FGF14: variants seen among roughly 807,000 people sequenced by gnomAD.
FGF14 encodes fibroblast growth factor homologous factor 4.
FGF14 carries 5 observed loss-of-function variants against 25.5 expected under a neutral mutation model. The observed-to-expected ratio is 0.20, with a 90% CI of 0.10 to 0.41. The LOEUF (loss-of-function observed/expected upper bound fraction) is 0.41. FGF14 is among the 10% of genes least tolerant of loss of function. The pLI, the probability that FGF14 is intolerant of heterozygous loss-of-function variation, is 1.00. For synonymous variants in FGF14, 138 were observed against 118.3 expected, an observed-to-expected ratio of 1.17 and a Z score of -1.08; for missense variants, 222 against 320.1, an observed-to-expected ratio of 0.69 and a Z score of 2.34.
At chr13:102,367,699 C>G (rs2057755051) in intron 1 of FGF14, 1 of 152,174 alleles carries the variant, frequency 6.6e-6, no homozygotes, top group Non-Finnish European at 1.5e-5. Flanking sequence ...GATCTAGTTT[C>G]AAGAACTAAG....
At chr13:102,194,166 C>CT (rs1306589166) in intron 1 of FGF14, among the ~76,000 whole-genome samples, 15 of 152,044 alleles carry the variant, frequency 9.9e-5, no homozygotes, top group Non-Finnish European at 1.0e-4. Flanking sequence ...GCTAGGGAGA[C>CT]TTTTTCTATG....
intron 3 of FGF14, among the ~76,000 whole-genome samples, chr13:101,776,790 G>T (rs1401090620): frequency 6.6e-6 from 1 of 152,116 alleles, no homozygotes; most frequent in African/African-American, 2.4e-5. Context: ...GAACTGGGTG[G>T]CTTCTAAACA....
At chr13:101,910,642 T>C (rs1378282623) in intron 1 of FGF14, among the ~76,000 whole-genome samples, 1 of 152,184 alleles carries the variant, frequency 6.6e-6, no homozygotes, top group African/African-American at 2.4e-5. Context: ...TCTGCATTTC[T>C]ACGCATGCCT....
At chr13:101,833,186 G>A (rs1031294112) in intron 3 of FGF14, among the ~76,000 whole-genome samples, 1 of 151,976 alleles carries the variant, frequency 6.6e-6, no homozygotes, top group African/African-American at 2.4e-5. Flanking sequence ...TTCTAAACAG[G>A]TATGGCATTA....
At chr13:102,000,925 G>A (rs753531170) in intron 1 of FGF14, among the ~76,000 whole-genome samples, 5 of 152,184 alleles carry the variant, frequency 3.3e-5, no homozygotes, top group Non-Finnish European at 5.9e-5. Flanking sequence ...TATTTACTGA[G>A]GACAGCAAAA....
At chr13:102,333,933 C>T (rs920965488) in intron 1 of FGF14, among the ~76,000 whole-genome samples, 1 of 152,294 alleles carries the variant, frequency 6.6e-6, no homozygotes, top group African/African-American at 2.4e-5. Flanking sequence ...ATTTTCACCA[C>T]TTTTCCCTGG....
intron 1 of FGF14, among the ~76,000 whole-genome samples, chr13:102,058,375 AT>A (rs1452529627): frequency 6.6e-6 from 1 of 152,184 alleles, no homozygotes; most frequent in East Asian, 1.9e-4. Context: ...AATCCAACTC[AT>A]TTTTTATCAG....
chr13:102,306,836 C>T (rs2055408672), intron 1 of FGF14, among the ~76,000 whole-genome samples: 1 of 152,118 alleles, frequency 6.6e-6, no homozygotes, highest in Non-Finnish European at 1.5e-5. Flanking sequence ...TTTTCACATT[C>T]TAACTTGTAT....
chr13:102,270,303 C>T (rs2053186606), intron 1 of FGF14, among the ~76,000 whole-genome samples: 1 of 152,008 alleles, frequency 6.6e-6, no homozygotes, highest in Non-Finnish European at 1.5e-5. Flanking sequence ...ATAATTTTTA[C>T]TCTGATTTTT....
intron 1 of FGF14, among the ~76,000 whole-genome samples, chr13:101,891,152 T>C (rs182560524): frequency 2.0e-5 from 3 of 152,312 alleles, no homozygotes; most frequent in Admixed American, 6.5e-5. Flanking sequence ...CTGGCAACCA[T>C]AATACAGAGA....
At chr13:101,857,150 G>A (rs897363600) in intron 3 of FGF14, among the ~76,000 whole-genome samples, 1 of 152,106 alleles carries the variant, frequency 6.6e-6, no homozygotes, top group East Asian at 1.9e-4. Context: ...TTAGACACTA[G>A]TGTCAGCTTA....
chr13:102,326,739 GA>G (rs1566939138), intron 1 of FGF14, among the ~76,000 whole-genome samples: 15 of 99,518 alleles, frequency 1.5e-4, no homozygotes, highest in African/African-American at 5.6e-4. Context: ...AGGAAGGAAG[GA>G]AGGAAGGAAG....
chr13:101,743,361 G>A (rs777014103), intron 3 of FGF14, among the ~76,000 whole-genome samples: 5 of 152,162 alleles, frequency 3.3e-5, no homozygotes, highest in Non-Finnish European at 5.9e-5. Flanking sequence ...TTTACCAATT[G>A]TGGAATTCTA....
intron 3 of FGF14, among the ~76,000 whole-genome samples, chr13:101,788,987 G>A (rs1049947495): frequency 7.5e-6 from 1 of 133,670 alleles, no homozygotes; most frequent in East Asian, 2.3e-4. Context: ...TAGATAAATA[G>A]TCTATACTCT....
At chr13:101,809,510 C>G (rs930188277) in intron 3 of FGF14, among the ~76,000 whole-genome samples, 2 of 152,060 alleles carry the variant, frequency 1.3e-5, no homozygotes, top group African/African-American at 4.8e-5. Flanking sequence ...TATTAATTAT[C>G]CTACAAATGT....
At chr13:102,351,476 G>A (rs181321618) in intron 1 of FGF14, among the ~76,000 whole-genome samples, 2 of 152,190 alleles carry the variant, frequency 1.3e-5, no homozygotes, top group Non-Finnish European at 2.9e-5. Flanking sequence ...GGTTTTGTGG[G>A]TGTATTAGTT....
intron 1 of FGF14, among the ~76,000 whole-genome samples, chr13:102,096,001 G>GTGCA (rs143224591): frequency 7.4e-6 from 1 of 135,054 alleles, no homozygotes; most frequent in East Asian, 2.4e-4. Flanking sequence ...GTGTGTGTGT[G>GTGCA]TATATATATA....
rs1450816853 is a variant in FGF14 at position 101,961,616 on chromosome 13, G to A, written c.209-86320C>T. On this transcript the variant is annotated intron_variant, in intron 1 of 4. Coordinates refer to the FGF14 transcript ENST00000376131. ...CTCATAATACCCATATGTTATGGGAGCAACCTGGTGGGAGCTAATTGAATC... is the reference window on the plus strand; with the variant it reads ...CTCATAATACCCATATGTTATGGGAACAACCTGGTGGGAGCTAATTGAATC... Among the ~76,000 whole-genome samples the A allele has an allele frequency of 3.9e-5, 6 of 152,144 alleles. No individual in the cohort carries two copies. In the East Asian group the frequency reaches 5.8e-4, roughly 15 times the overall value.
intron 1 of FGF14, chr13:102,293,585 T>C (rs903663507): frequency 3.9e-5 from 6 of 152,150 alleles, no homozygotes; most frequent in African/African-American, 7.2e-5. Flanking sequence ...GAAAAAAAGA[T>C]GCCACTTGAA....
Sources: gnomAD v4.1 joint callset for allele counts (sites outside exome capture counted in the v4.1 genomes callset) on GRCh38, gnomAD v4.1.1 for gene constraint, MANE v1.5 for transcripts, NCBI Gene and HGNC (gene_info 2026-07-23, HGNC 2026-07-21) for gene names.